The following ARMC3 variants were observed in gnomAD, a reference collection of about 807,000 sequenced individuals.
ARMC3 encodes the protein armadillo repeat-containing protein 3.
Under a neutral mutation model 90.3 loss-of-function variants are expected in ARMC3, and 74 were observed. The observed-to-expected ratio is 0.82, with a 90% CI of 0.68 to 0.99. ARMC3 has a LOEUF of 0.99. Ranked by LOEUF, ARMC3 falls within the 50% of genes least tolerant of loss-of-function variation. The probability of loss-of-function intolerance (pLI) is 0.00; values close to 1 mark genes in which losing one functional copy is unlikely to be tolerated. For missense variants in ARMC3, 958 were observed against 1,042.8 expected, an observed-to-expected ratio of 0.92 and a Z score of 1.12; for synonymous variants, 334 against 361.8, an observed-to-expected ratio of 0.92 and a Z score of 0.87.
intron 13 of ARMC3, 37 bp downstream of exon 13, chr10:23,003,451 A>G (rs764878443): frequency 1.4e-6 from 2 of 1,467,422 alleles, no homozygotes; most frequent in Middle Eastern, 2.1e-4. Flanking sequence ...TAGTATGTAC[A>G]ATAATAATTT....
chr10:22,950,334 G>T (rs1834697194), intron 3 of ARMC3, among the ~76,000 whole-genome samples: 1 of 151,952 alleles, frequency 6.6e-6, no homozygotes, highest in South Asian at 2.1e-4. Flanking sequence ...GGCAACAACA[G>T]CCCCAACATA....
chr10:22,973,991 C>A (rs1370581984), intron 8 of ARMC3, among the ~76,000 whole-genome samples: 2 of 151,980 alleles, frequency 1.3e-5, no homozygotes, highest in African/African-American at 4.8e-5. Flanking sequence ...ATCTCCTGAC[C>A]TCATGATCCA....
At chr10:23,012,163 C>G (rs1838040564) in intron 16 of ARMC3, among the ~76,000 whole-genome samples, 1 of 152,172 alleles carries the variant, frequency 6.6e-6, no homozygotes. Context: ...GGCAATCCTT[C>G]TGGGTGGGAA....
intron 10 of ARMC3, among the ~76,000 whole-genome samples, chr10:22,986,306 C>A (rs1391009520): frequency 6.6e-6 from 1 of 152,048 alleles, no homozygotes; most frequent in Non-Finnish European, 1.5e-5. Flanking sequence ...AATCCCAGCA[C>A]TTTGGGAGGC....
intron 10 of ARMC3, among the ~76,000 whole-genome samples, chr10:22,987,671 C>T (rs928981217): frequency 6.6e-6 from 1 of 152,190 alleles, no homozygotes; most frequent in Admixed American, 6.5e-5. Context: ...CCCTTGTTTA[C>T]ACATAGATCA....
chr10:22,968,095 ATT>A (rs1564360319), intron 7 of ARMC3, among the ~76,000 whole-genome samples: 1 of 152,172 alleles, frequency 6.6e-6, no homozygotes, highest in African/African-American at 2.4e-5. Flanking sequence ...TCCATAAAAC[ATT>A]TTGGAGTAAG....
intron 16 of ARMC3, among the ~76,000 whole-genome samples, chr10:23,030,298 G>C (rs1240895363): frequency 6.6e-6 from 1 of 152,138 alleles, no homozygotes; most frequent in African/African-American, 2.4e-5. Context: ...CCCACAGTCA[G>C]CTCTGTGGAA....
intron 7 of ARMC3, among the ~76,000 whole-genome samples, chr10:22,964,165 C>T (rs1157069657): frequency 6.6e-6 from 1 of 151,834 alleles, no homozygotes; most frequent in African/African-American, 2.4e-5. Context: ...CTTATAATAC[C>T]TTCCTAAAAT....
chr10:23,010,695 C>T (rs1837936607), intron 16 of ARMC3, among the ~76,000 whole-genome samples: 1 of 95,154 alleles, frequency 1.1e-5, no homozygotes, highest in African/African-American at 4.3e-5. Flanking sequence ...TCCTTCCTTT[C>T]CCTTCCCCCT....
At chr10:23,020,853 TG>T (rs1838481941) in intron 16 of ARMC3, among the ~76,000 whole-genome samples, 1 of 152,160 alleles carries the variant, frequency 6.6e-6, no homozygotes, top group Non-Finnish European at 1.5e-5. Context: ...GTTTGCTACG[TG>T]GGTAAATTGT....
intron 4 of ARMC3, among the ~76,000 whole-genome samples, chr10:22,957,107 A>G (rs1259289017): frequency 1.3e-5 from 2 of 152,166 alleles, no homozygotes; most frequent in African/African-American, 2.4e-5. Context: ...GTACATGGCT[A>G]AAATCATTAT....
At chr10:22,992,088 A>G (rs1836735729) in intron 10 of ARMC3, among the ~76,000 whole-genome samples, 2 of 152,208 alleles carry the variant, frequency 1.3e-5, no homozygotes, top group African/African-American at 4.8e-5. Flanking sequence ...AGGGCATTCT[A>G]GCATTTGAAA....
At chr10:22,988,879 C>T (rs1186323338) in intron 10 of ARMC3, among the ~76,000 whole-genome samples, 1 of 152,182 alleles carries the variant, frequency 6.6e-6, no homozygotes, top group Non-Finnish European at 1.5e-5. Flanking sequence ...AGATAATCCA[C>T]AGTGATTTAC....
Position 22,961,945 on chromosome 10 carries a change from TG to T in ARMC3, c.600del (p.Lys201SerfsTer6). The T allele has an allele frequency of 6.2e-7, 1 of 1,612,384 alleles. No homozygotes were observed. Among genetic ancestry groups the T allele is most frequent in the South Asian group, 1.1e-5 (1 of 90,774 alleles). ...LNAIPPILDLLKSEYPVIQLL... is the reference protein window; with the variant it reads ...LNAIPPILDLXKSEYPVIQLL... ...GCAATACCTCCTATCTTAGATCTCT[TG>T]AAGTCAGAATATCCAGTGATTCAGT... On this transcript the variant is annotated frameshift_variant, in exon 7 of 19. Transcript: ENST00000298032. LOFTEE classifies it high-confidence loss of function.
intron 14 of ARMC3, among the ~76,000 whole-genome samples, chr10:23,007,489 G>A (rs529041787): frequency 4.6e-5 from 7 of 152,244 alleles, no homozygotes; most frequent in East Asian, 3.9e-4. Context: ...GGCAGATCAC[G>A]AGGTCAAGAG....
chr10:22,994,357 G>A (rs1390884980), intron 10 of ARMC3, among the ~76,000 whole-genome samples: 2 of 152,188 alleles, frequency 1.3e-5, no homozygotes, highest in Non-Finnish European at 1.5e-5. Flanking sequence ...TGGGGCTGGC[G>A]TGAGAAGTGG....
intron 7 of ARMC3, among the ~76,000 whole-genome samples, chr10:22,967,111 C>T (rs537784998): frequency 1.4e-4 from 21 of 152,082 alleles, no homozygotes; most frequent in Non-Finnish European, 2.5e-4. Context: ...TGTTGTAATT[C>T]GAGTCCAGGG....
intron 10 of ARMC3, among the ~76,000 whole-genome samples, chr10:22,992,643 T>G (rs1412088864): frequency 1.3e-5 from 2 of 152,130 alleles, no homozygotes; most frequent in African/African-American, 4.8e-5. Flanking sequence ...CAGCCAGAGT[T>G]TAGGGGCACA....
intron 7 of ARMC3, among the ~76,000 whole-genome samples, chr10:22,963,145 A>G (rs1835275134): frequency 6.6e-6 from 1 of 152,148 alleles, no homozygotes; most frequent in Non-Finnish European, 1.5e-5. Context: ...AGGAAAGGGG[A>G]TGGAAGCACC....
Sources: allele counts gnomAD v4.1 joint callset (sites outside exome capture counted in the v4.1 genomes callset), GRCh38; gene constraint gnomAD v4.1.1; transcripts MANE v1.5; gene names NCBI Gene and HGNC (gene_info 2026-07-23, HGNC 2026-07-21).